Variants in BTBD9 observed in about 807,000 individuals in gnomAD.
BTBD9 encodes the protein BTB/POZ domain-containing protein 9.
Under a neutral mutation model 64.3 loss-of-function variants are expected in BTBD9, and 49 were observed. The observed-to-expected ratio is 0.76, with a 90% CI of 0.61 to 0.97. The LOEUF is 0.97. BTBD9 is among the 50% of genes least tolerant of loss of function. BTBD9 has a pLI of 0.00. For missense variants in BTBD9, 598 were observed against 762.1 expected, an observed-to-expected ratio of 0.78 and a Z score of 2.53; for synonymous variants, 260 against 274.7, an observed-to-expected ratio of 0.95 and a Z score of 0.53.
intron 7 of BTBD9, among the ~76,000 whole-genome samples, chr6:38,326,310 G>C (rs535952906): frequency 6.6e-6 from 1 of 152,260 alleles, no homozygotes; most frequent in African/African-American, 2.4e-5. Flanking sequence ...ATGAGAATTG[G>C]TATAAAATGA....
intron 6 of BTBD9, among the ~76,000 whole-genome samples, chr6:38,405,312 A>T (rs1372891055): frequency 1.3e-5 from 2 of 149,800 alleles, no homozygotes; most frequent in African/African-American, 4.9e-5. Flanking sequence ...CAAAACAGTT[A>T]AAAAAAAAAT....
At chr6:38,499,873 A>G (rs986177586) in intron 6 of BTBD9, among the ~76,000 whole-genome samples, 4 of 152,236 alleles carry the variant, frequency 2.6e-5, no homozygotes, top group African/African-American at 9.6e-5. Context: ...TATGTTACAT[A>G]TGAACTGTCA....
At chr6:38,354,070 C>T (rs560186164) in intron 6 of BTBD9, among the ~76,000 whole-genome samples, 1 of 152,164 alleles carries the variant, frequency 6.6e-6, no homozygotes, top group East Asian at 1.9e-4. Context: ...AAGAATTAGT[C>T]TCTCCCCAAA....
At chr6:38,179,865 G>A (rs1369231745) in intron 10 of BTBD9, 1 of 453,830 alleles carries the variant, frequency 2.2e-6, no homozygotes, top group Non-Finnish European at 4.5e-6. Context: ...GCACAGGTGA[G>A]GCCTTGAGGG....
intron 6 of BTBD9, among the ~76,000 whole-genome samples, chr6:38,409,165 G>A (rs556523034): frequency 1.3e-5 from 2 of 152,012 alleles, no homozygotes; most frequent in African/African-American, 2.4e-5. Flanking sequence ...CAGGAGAATC[G>A]CTTGAACTAG....
intron 10 of BTBD9, among the ~76,000 whole-genome samples, chr6:38,188,967 G>C (rs1023296212): frequency 2.0e-5 from 3 of 152,144 alleles, no homozygotes; most frequent in African/African-American, 7.2e-5. Flanking sequence ...CTCTGGGACT[G>C]TGAGAAATCA....
At chr6:38,359,553 C>G (rs747728993) in intron 6 of BTBD9, among the ~76,000 whole-genome samples, 1 of 152,134 alleles carries the variant, frequency 6.6e-6, no homozygotes, top group Non-Finnish European at 1.5e-5. Flanking sequence ...GTGCATCCCT[C>G]AATAACTTTA....
At chr6:38,373,431 T>C (rs987725408) in intron 6 of BTBD9, among the ~76,000 whole-genome samples, 1 of 152,196 alleles carries the variant, frequency 6.6e-6, no homozygotes, top group African/African-American at 2.4e-5. Context: ...TAAAGCCCCA[T>C]TATATATTGA....
intron 10 of BTBD9, among the ~76,000 whole-genome samples, chr6:38,182,747 T>C (rs1312845528): frequency 6.6e-6 from 1 of 152,174 alleles, no homozygotes. Flanking sequence ...GCTGTCTCCA[T>C]GCGTCTCACT....
At position 38,237,840 on chromosome 6, in the gene BTBD9, T is replaced by TA. The variant is rs1162654800; in HGVS notation, c.1562+18568_1562+18569insT. On this transcript the variant is annotated intron_variant, in intron 9 of 10. Coordinates refer to ENST00000481247, the MANE Select transcript of BTBD9 (RefSeq NM_001099272.2). ...CTTTTCAATGGTATTTTCCAATGTTTTAAAAAAAAAAAATCAGCCAGATAT... is the reference window on the plus strand; with the variant it reads ...CTTTTCAATGGTATTTTCCAATGTTTATAAAAAAAAAAAATCAGCCAGATAT... Among the ~76,000 whole-genome samples, 108 of 88,826 alleles carry TA rather than the reference T, an allele frequency of 1.2e-3. 3 individuals carry two copies. The highest frequency in any genetic ancestry group is 6.4e-3 in the East Asian group (11 of 1,714). 58.3% of individuals were successfully genotyped at this position (88,826 alleles called of 152,430 possible).
intron 6 of BTBD9, among the ~76,000 whole-genome samples, chr6:38,574,247 G>C (rs931388321): frequency 6.6e-6 from 1 of 152,128 alleles, no homozygotes; most frequent in African/African-American, 2.4e-5. Context: ...AGATAACATC[G>C]ACTATCTTGG....
At chr6:38,582,467 C>T (rs1375733655) in intron 4 of BTBD9, among the ~76,000 whole-genome samples, 1 of 152,100 alleles carries the variant, frequency 6.6e-6, no homozygotes, top group Non-Finnish European at 1.5e-5. Flanking sequence ...CTTACTTGTC[C>T]CAGGTCACAA....
intron 6 of BTBD9, among the ~76,000 whole-genome samples, chr6:38,521,409 A>C (rs1773266742): frequency 6.6e-6 from 1 of 152,330 alleles, no homozygotes; most frequent in East Asian, 1.9e-4. Flanking sequence ...ATACAGGTTG[A>C]GTATCCTTAT....
intron 8 of BTBD9, among the ~76,000 whole-genome samples, chr6:38,283,265 C>G (rs1761592394): frequency 6.6e-6 from 1 of 152,212 alleles, no homozygotes; most frequent in Admixed American, 6.5e-5. Context: ...GAAATGGCTT[C>G]TGTGGATGAA....
intron 6 of BTBD9, among the ~76,000 whole-genome samples, chr6:38,500,140 A>T (rs1411363143): frequency 6.6e-6 from 1 of 152,126 alleles, no homozygotes; most frequent in Non-Finnish European, 1.5e-5. Context: ...TGTCAAAGAA[A>T]GAGAGATAGA....
intron 4 of BTBD9, among the ~76,000 whole-genome samples, chr6:38,583,944 T>C (rs1776401429): frequency 6.6e-6 from 1 of 151,858 alleles, no homozygotes; most frequent in South Asian, 2.1e-4. Flanking sequence ...CATGAGAAAA[T>C]TCAAATCATA....
chr6:38,602,664 T>C lies in BTBD9; in HGVS notation c.-27-4543A>G, dbSNP rs116474268. Among the ~76,000 whole-genome samples the C allele has an allele frequency of 7.6e-3, 1,163 of 152,052 alleles. 15 individuals are homozygous for C. Among genetic ancestry groups the C allele is most frequent in the African/African-American group, 0.026 (1,078 of 41,480 alleles). On this transcript the variant is annotated intron_variant, in intron 1 of 10. Coordinates refer to ENST00000481247, the MANE Select transcript of BTBD9 (RefSeq NM_001099272.2). ...ACTATAAACAAATATGTCAGTAAGT[T>C]TGGCCACAAAATTACAAAATAAATT...
intron 6 of BTBD9, among the ~76,000 whole-genome samples, chr6:38,454,597 G>A (rs1028357106): frequency 3.3e-5 from 5 of 151,526 alleles, no homozygotes; most frequent in African/African-American, 1.2e-4. Flanking sequence ...GAGAGTTCAA[G>A]ACCAGCCTGG....
At chr6:38,539,053 A>G (rs1191047756) in intron 6 of BTBD9, among the ~76,000 whole-genome samples, 1 of 151,982 alleles carries the variant, frequency 6.6e-6, no homozygotes, top group Non-Finnish European at 1.5e-5. Flanking sequence ...TGATTCACCG[A>G]CCTCAGCCTC....
Sources: allele counts gnomAD v4.1 joint callset (sites outside exome capture counted in the v4.1 genomes callset), GRCh38; gene constraint gnomAD v4.1.1; transcripts MANE v1.5; gene names NCBI Gene and HGNC (gene_info 2026-07-23, HGNC 2026-07-21).